Variants in SULF1 observed in about 807,000 individuals in gnomAD.
The protein encoded by SULF1 is extracellular sulfatase Sulf-1.
Under a neutral mutation model 110.5 loss-of-function variants are expected in SULF1, and 46 were observed. The ratio of observed to expected loss-of-function variants is 0.42; its 90% CI spans 0.33 to 0.53. SULF1 has a LOEUF of 0.53. Among genes scored for constraint, SULF1 ranks in the 20% least tolerant of loss-of-function variants. The probability of loss-of-function intolerance (pLI) is 0.12; values close to 1 mark genes in which losing one functional copy is unlikely to be tolerated. For synonymous variants in SULF1, 371 were observed against 387.1 expected, an observed-to-expected ratio of 0.96 and a Z score of 0.49; for missense variants, 941 against 1,094.2, an observed-to-expected ratio of 0.86 and a Z score of 1.98.
At chr8:69,510,209 A>C (rs967538976) in intron 3 of SULF1, among the ~76,000 whole-genome samples, 6 of 152,214 alleles carry the variant, frequency 3.9e-5, no homozygotes, top group African/African-American at 7.2e-5. Flanking sequence ...GGAGGCGTTC[A>C]AGAGTTATCA....
At chr8:69,622,070 C>T (rs1262495360) in intron 14 of SULF1, among the ~76,000 whole-genome samples, 2 of 152,250 alleles carry the variant, frequency 1.3e-5, no homozygotes, top group Non-Finnish European at 2.9e-5. Flanking sequence ...GTAGACTCCA[C>T]AATATGGGCT....
chr8:69,591,772 C>G (rs1371709761), intron 8 of SULF1, among the ~76,000 whole-genome samples: 2 of 152,164 alleles, frequency 1.3e-5, no homozygotes, highest in African/African-American at 4.8e-5. Context: ...ACAGTCCAAA[C>G]CTAGCTTGCC....
chr8:69,607,439 A>G (rs1808311099), intron 13 of SULF1, among the ~76,000 whole-genome samples: 1 of 152,164 alleles, frequency 6.6e-6, no homozygotes, highest in Non-Finnish European at 1.5e-5. Context: ...ATCATGGCCC[A>G]CTGCAGCCTC....
At chr8:69,562,260 T>A (rs962124250) in intron 3 of SULF1, among the ~76,000 whole-genome samples, 1 of 152,162 alleles carries the variant, frequency 6.6e-6, no homozygotes, top group African/African-American at 2.4e-5. Flanking sequence ...AACAAAATAA[T>A]GTGTATGGTA....
intron 18 of SULF1, among the ~76,000 whole-genome samples, chr8:69,628,601 A>G (rs968382297): frequency 5.9e-5 from 9 of 152,232 alleles, no homozygotes; most frequent in African/African-American, 2.2e-4. Context: ...AGCCTGGAAT[A>G]GTGCTGAATT....
chr8:69,619,548 A>T (rs149664128), intron 13 of SULF1, among the ~76,000 whole-genome samples: 1 of 152,346 alleles, frequency 6.6e-6, no homozygotes, highest in East Asian at 1.9e-4. Context: ...ACTTGGATGT[A>T]AGCCTGCAGC....
At position 69,495,944 on chromosome 8, in the gene SULF1, A is replaced by G. The variant is rs1241435775; in HGVS notation, c.-229+18A>G. 6.6e-6 allele frequency: 1 copy of G among 152,204 alleles called. No individual in the cohort carries two copies. Among genetic ancestry groups the G allele is most frequent in the Non-Finnish European group, 1.5e-5 (1 of 68,044 alleles). The allele number at this position is 152,204 out of a possible 1,614,324, so 9.4% of individuals were successfully genotyped here. A position where few individuals can be genotyped will look rare whatever the true frequency, so the allele number is the denominator to read the frequency against. On this transcript the variant is annotated intron_variant, in intron 2 of 22. Coordinates refer to ENST00000402687, the MANE Select transcript of SULF1 (RefSeq NM_001128205.2). ...ATGGAGAGGTGGGTAACATTCGCAA[A>G]TTTTTTAAAGATGACAACTGGAAGA...
At chr8:69,651,573 C>T (rs564559627) in intron 22 of SULF1, among the ~76,000 whole-genome samples, 46 of 151,724 alleles carry the variant, frequency 3.0e-4, no homozygotes, top group African/African-American at 9.0e-4. Flanking sequence ...CTTTAATGAA[C>T]GTTGAATTTG....
At chr8:69,631,051 G>T (rs1373757521) in intron 19 of SULF1, among the ~76,000 whole-genome samples, 1 of 152,014 alleles carries the variant, frequency 6.6e-6, no homozygotes, top group Non-Finnish European at 1.5e-5. Flanking sequence ...TTCGGAGAGC[G>T]TGGGGAAGAC....
At chr8:69,469,979 T>C (rs1036144752) in intron 1 of SULF1, among the ~76,000 whole-genome samples, 3 of 151,968 alleles carry the variant, frequency 2.0e-5, no homozygotes, top group African/African-American at 7.3e-5. Flanking sequence ...AAGGCGGAGG[T>C]TGCAGTGAGC....
chr8:69,545,303 G>A (rs374661530), intron 3 of SULF1, among the ~76,000 whole-genome samples: 14 of 152,048 alleles, frequency 9.2e-5, no homozygotes, highest in African/African-American at 1.9e-4. Context: ...CTGGTCTGAC[G>A]TTAAAGGCCG....
intron 16 of SULF1, 71 bp downstream of exon 16, chr8:69,627,377 G>A (rs926140939): frequency 4.5e-6 from 5 of 1,116,224 alleles, no homozygotes; most frequent in Non-Finnish European, 6.8e-6. Flanking sequence ...TGCTGTGTCT[G>A]GTGGGACATA....
chr8:69,626,027 G>C (rs950849723), intron 15 of SULF1: 1 of 151,190 alleles, frequency 6.6e-6, no homozygotes, highest in Non-Finnish European at 1.5e-5. Flanking sequence ...ACAGAGTGTC[G>C]ATTGGTGCAT....
intron 3 of SULF1, among the ~76,000 whole-genome samples, chr8:69,527,496 G>T (rs1337112162): frequency 1.3e-5 from 2 of 152,120 alleles, no homozygotes; most frequent in African/African-American, 4.8e-5. Context: ...CATTCCAGAT[G>T]CTCAAAGACA....
chr8:69,624,563 A>G (rs1002312365), intron 15 of SULF1, among the ~76,000 whole-genome samples: 1 of 152,234 alleles, frequency 6.6e-6, no homozygotes, highest in African/African-American at 2.4e-5. Flanking sequence ...ACAGATGGAA[A>G]CAATTTCAGA....
intron 8 of SULF1, among the ~76,000 whole-genome samples, chr8:69,592,082 C>A (rs549824834): frequency 2.6e-5 from 4 of 152,062 alleles, no homozygotes; most frequent in Non-Finnish European, 5.9e-5. Flanking sequence ...TTGAAGGAAA[C>A]CAGGAAAACT....
intron 13 of SULF1, among the ~76,000 whole-genome samples, chr8:69,616,232 T>A (rs537070012): frequency 3.3e-4 from 49 of 147,950 alleles, no homozygotes; most frequent in East Asian, 1.6e-3. Flanking sequence ...ATATATATAT[T>A]TTTTTGAGAC....
chr8:69,626,749 C>G (rs983349861), intron 15 of SULF1, among the ~76,000 whole-genome samples: 2 of 152,228 alleles, frequency 1.3e-5, no homozygotes, highest in Non-Finnish European at 2.9e-5. Flanking sequence ...CCGCAAGGGC[C>G]GGCCGGCCTC....
At chr8:69,519,363 C>T (rs1307519810) in intron 3 of SULF1, among the ~76,000 whole-genome samples, 4 of 152,064 alleles carry the variant, frequency 2.6e-5, no homozygotes, top group African/African-American at 7.2e-5. Flanking sequence ...TAAACCAATC[C>T]ATAATACTTA....
Sources: gnomAD v4.1 joint callset for allele counts (sites outside exome capture counted in the v4.1 genomes callset) on GRCh38, gnomAD v4.1.1 for gene constraint, MANE v1.5 for transcripts, NCBI Gene and HGNC (gene_info 2026-07-23, HGNC 2026-07-21) for gene names.